Variants in DYRK1A observed in about 807,000 individuals in gnomAD.
DYRK1A encodes dual specificity tyrosine phosphorylation regulated kinase 1A.
A neutral mutation model predicts 79.7 loss-of-function variants in DYRK1A; 9 were observed. The observed-to-expected ratio is 0.11, with a 90% CI of 0.07 to 0.20. The LOEUF (loss-of-function observed/expected upper bound fraction) is 0.20. Among genes scored for constraint, DYRK1A ranks in the 10% least tolerant of loss-of-function variants. The pLI is 1.00. For synonymous variants in DYRK1A, 349 were observed against 329.7 expected (o/e 1.06, Z -0.63); for missense variants, 622 against 956.0 (o/e 0.65, Z 4.61).
intron 7 of DYRK1A, among the ~76,000 whole-genome samples, chr21:37,492,789 A>C (rs1392295879): frequency 1.3e-5 from 2 of 152,164 alleles, no homozygotes. Context: ...GACTAAATGA[A>C]AGGGCTTGAA....
chr21:37,442,841 G>GT (rs1001714310), intron 2 of DYRK1A, among the ~76,000 whole-genome samples: 30 of 152,174 alleles, frequency 2.0e-4, no homozygotes, highest in Middle Eastern at 6.8e-3. Flanking sequence ...ACCTGTTTCT[G>GT]TTTTTTGTTT....
rs1255330493 is a variant in DYRK1A at position 37,488,728 on chromosome 21, A to G, written c.638-1447A>G. ...ACTAAGTAGATCTTTCATTGGACGA[A>G]CATTGTGATCACAGAGCTTCTTAAA... On this transcript the variant is annotated intron_variant, in intron 6 of 11. Transcript: ENST00000647188. 4.1e-6 allele frequency: 4 copies of G among 985,302 alleles called. No individual in the cohort carries two copies. The African/African-American group carries it at 7.0e-5, about 17-fold the overall frequency. 61.0% of individuals were successfully genotyped at this position (985,302 alleles called of 1,614,324 possible). A position where few individuals can be genotyped will look rare whatever the true frequency, so the allele number is the denominator to read the frequency against.
chr21:37,369,889 A>AATC (rs2049396674), intron 1 of DYRK1A, among the ~76,000 whole-genome samples: 1 of 152,272 alleles, frequency 6.6e-6, no homozygotes, highest in Admixed American at 6.5e-5. Context: ...TGTGCAAGAT[A>AATC]TCTAAAAATA....
intron 6 of DYRK1A, among the ~76,000 whole-genome samples, chr21:37,489,263 A>G (rs142471798): frequency 1.3e-3 from 200 of 152,288 alleles, no homozygotes; most frequent in African/African-American, 4.8e-3. Flanking sequence ...GTTTTATGTC[A>G]TTGCAGTTGT....
At chr21:37,430,509 C>A in intron 2 of DYRK1A, 1 of 691,548 alleles carries the variant, frequency 1.4e-6, no homozygotes, top group Non-Finnish European at 1.8e-6. Context: ...TACCTGGGAA[C>A]CCTTGTTGCC....
chr21:37,472,851 G>T lies in DYRK1A; in HGVS notation c.178G>T (p.Asp60Tyr). 1 of 1,593,076 alleles carries T rather than the reference G, an allele frequency of 6.3e-7. No homozygotes were observed. Among genetic ancestry groups the T allele is most frequent in the Non-Finnish European group, 8.6e-7 (1 of 1,166,306 alleles). ...ACAGGTTTCTGCCTTATCATATTCT[G>T]ACCAGATTCAGCAACCTCTAACTAA... ...DQQVSALSYS[D>Y]QIQQPLTNQR... The change falls in exon 3 of 12, where the codon GAC becomes TAC. Residue 60 changes from aspartate to tyrosine, a missense_variant. Asp to Tyr is a radical substitution (Grantham distance 160). This residue lies in a region of DYRK1A where 91 missense variants were observed against 113.8 expected (regional missense o/e 0.80). Transcript: ENST00000647188.
intron 1 of DYRK1A, among the ~76,000 whole-genome samples, chr21:37,391,397 C>CT: frequency 1.3e-5 from 2 of 152,298 alleles, no homozygotes; most frequent in Middle Eastern, 6.8e-3. Context: ...TATCCATTGT[C>CT]TAAAAACTTC....
intron 1 of DYRK1A, among the ~76,000 whole-genome samples, chr21:37,380,988 C>T (rs1228020696): frequency 1.3e-5 from 2 of 152,190 alleles, no homozygotes; most frequent in African/African-American, 4.8e-5. Context: ...CTCATGTGTC[C>T]TTGTACTCTT....
intron 1 of DYRK1A, among the ~76,000 whole-genome samples, chr21:37,369,142 C>T (rs1366631107): frequency 6.6e-6 from 1 of 152,028 alleles, no homozygotes; most frequent in Non-Finnish European, 1.5e-5. Context: ...CTTAAGGGTT[C>T]CTCTGTGACC....
intron 2 of DYRK1A, among the ~76,000 whole-genome samples, chr21:37,451,509 C>T (rs2051449796): frequency 6.6e-6 from 1 of 152,052 alleles, no homozygotes; most frequent in South Asian, 2.1e-4. Context: ...GTTACAGTTG[C>T]CCTCATTATT....
Position 37,472,716 on chromosome 21 carries a change from G to A in DYRK1A, c.43G>A (p.Val15Ile), listed in dbSNP as rs780200883. Reference sequence around the variant, plus strand: ...GACTTCAGCATGCAAACCTTCATCTGTTCGGCTTGCACCGTCATTTTCATT... The same window carrying A: ...GACTTCAGCATGCAAACCTTCATCTATTCGGCTTGCACCGTCATTTTCATT... ...GETSACKPSS[V>I]RLAPSFSFHA... is the part of the protein sequence containing the mutation. Residue 15 changes from valine to isoleucine, a missense_variant, in exon 3 of 12, where the codon GTT becomes ATT. By Grantham distance (29) the Val-to-Ile change is conservative. Coordinates refer to ENST00000647188, the MANE Select transcript of DYRK1A (RefSeq NM_001347721.2). 1.2e-6 allele frequency: 2 copies of A among 1,607,196 alleles called. No individual in the cohort carries two copies. Among genetic ancestry groups the A allele is most frequent in the Non-Finnish European group, 1.7e-6 (2 of 1,175,558 alleles).
intron 9 of DYRK1A, among the ~76,000 whole-genome samples, chr21:37,499,791 T>G (rs1377978620): frequency 6.6e-6 from 1 of 152,236 alleles, no homozygotes; most frequent in Non-Finnish European, 1.5e-5. Context: ...AATTCACCTA[T>G]TCTAGTACAG....
chr21:37,457,365 G>A (rs964404617), intron 2 of DYRK1A, among the ~76,000 whole-genome samples: 3 of 152,094 alleles, frequency 2.0e-5, no homozygotes, highest in African/African-American at 7.2e-5. Flanking sequence ...CCCTAGCTGA[G>A]ACCACAGGCG....
intron 2 of DYRK1A, among the ~76,000 whole-genome samples, chr21:37,442,628 A>G (rs935446613): frequency 2.6e-5 from 4 of 151,202 alleles, no homozygotes; most frequent in African/African-American, 7.3e-5. Flanking sequence ...GGGTCTTCCT[A>G]TGTCTCTGTT....
chr21:37,427,957 C>T (rs2050673597), intron 2 of DYRK1A, among the ~76,000 whole-genome samples: 1 of 151,560 alleles, frequency 6.6e-6, no homozygotes, highest in East Asian at 1.9e-4. Flanking sequence ...CTTAATTTAC[C>T]AAAGTTTCTC....
intron 1 of DYRK1A, among the ~76,000 whole-genome samples, chr21:37,395,270 A>G (rs1438831090): frequency 6.6e-6 from 1 of 152,232 alleles, no homozygotes; most frequent in Non-Finnish European, 1.5e-5. Flanking sequence ...TAAGTATCTT[A>G]GCAGAGGTTT....
chr21:37,525,981 A>G lies in DYRK1A; in HGVS notation c.*13450A>G, dbSNP rs183126322. On this transcript the variant is annotated 3_prime_UTR_variant, in exon 12 of 12. Coordinates refer to ENST00000647188, the MANE Select transcript of DYRK1A (RefSeq NM_001347721.2). ...GTGTTTCTTAAGGAATTCAGCCTAAACCACAAGATAAAAACAGTGTTTATG... is the reference window on the plus strand; with the variant it reads ...GTGTTTCTTAAGGAATTCAGCCTAAGCCACAAGATAAAAACAGTGTTTATG... 1 of 152,254 alleles carries G rather than the reference A, an allele frequency of 6.6e-6. No homozygotes were observed. The highest frequency in any genetic ancestry group is 2.4e-5 in the African/African-American group (1 of 41,466). The allele number at this position is 152,254 out of a possible 1,614,324, so 9.4% of individuals were successfully genotyped here.
chr21:37,510,459 C>G (rs771164208), intron 11 of DYRK1A, among the ~76,000 whole-genome samples: 1 of 151,958 alleles, frequency 6.6e-6, no homozygotes, highest in African/African-American at 2.4e-5. Context: ...TACAGTGACA[C>G]AAGTAAATAA....
At chr21:37,500,111 T>C (rs2053396758) in intron 9 of DYRK1A, among the ~76,000 whole-genome samples, 1 of 152,216 alleles carries the variant, frequency 6.6e-6, no homozygotes, top group East Asian at 1.9e-4. Context: ...TTGATAGGGC[T>C]TTGTACTTAA....
Sources: gnomAD v4.1 joint callset for allele counts (sites outside exome capture counted in the v4.1 genomes callset) on GRCh38, gnomAD v4.1.1 for gene constraint, gnomAD v4.1.1 regional missense constraint, MANE v1.5 for transcripts, NCBI Gene and HGNC (gene_info 2026-07-23, HGNC 2026-07-21) for gene names.